The following TMEM71 variants were observed in gnomAD, a reference collection of about 807,000 sequenced individuals.
The protein encoded by TMEM71 is transmembrane protein 71.
Under a neutral mutation model 38.0 loss-of-function variants are expected in TMEM71, and 44 were observed. The ratio of observed to expected loss-of-function variants is 1.16; its 90% CI spans 0.91 to 1.49. TMEM71 has a LOEUF of 1.49. Ranked by LOEUF, TMEM71 falls within the 40% of genes most tolerant of loss-of-function variation. The probability of loss-of-function intolerance (pLI) is 0.00; values close to 1 mark genes in which losing one functional copy is unlikely to be tolerated. For synonymous variants in TMEM71, 133 were observed against 122.5 expected (o/e 1.09, Z -0.56); for missense variants, 367 against 348.6 (o/e 1.05, Z -0.42).
chr8:132,745,804 G>A (rs1295493023), intron 5 of TMEM71, among the ~76,000 whole-genome samples: 2 of 151,550 alleles, frequency 1.3e-5, no homozygotes, highest in African/African-American at 4.9e-5. Context: ...TGAAGAAAAT[G>A]GTACATATAC....
At chr8:132,712,679 T>C (rs1826297854) in intron 9 of TMEM71, among the ~76,000 whole-genome samples, 1 of 152,246 alleles carries the variant, frequency 6.6e-6, no homozygotes, top group East Asian at 1.9e-4. Flanking sequence ...GTCTAACCCA[T>C]GGTAGACACT....
chr8:132,766,087 T>C, the TMEM71 span, among the ~76,000 whole-genome samples: 3 of 152,132 alleles, frequency 2.0e-5, no homozygotes, highest in Admixed American at 1.3e-4. Context: ...CCCTGCCGAA[T>C]CTAACATATC....
intron 9 of TMEM71, among the ~76,000 whole-genome samples, chr8:132,713,636 A>G (rs979139706): frequency 6.6e-6 from 1 of 152,212 alleles, no homozygotes; most frequent in Non-Finnish European, 1.5e-5. Context: ...TGTAACTGAG[A>G]TCATTTCATG....
At chr8:132,753,666 C>T (rs1182960214) in intron 3 of TMEM71, among the ~76,000 whole-genome samples, 2 of 152,120 alleles carry the variant, frequency 1.3e-5, no homozygotes, top group Non-Finnish European at 1.5e-5. Flanking sequence ...TGAAGTCAAT[C>T]CCCCTCTAAG....
intron 6 of TMEM71, among the ~76,000 whole-genome samples, chr8:132,724,473 C>A (rs1340203421): frequency 6.6e-6 from 1 of 152,142 alleles, no homozygotes; most frequent in Non-Finnish European, 1.5e-5. Flanking sequence ...AGGCTCTCTG[C>A]AAGAAGAAAT....
At chr8:132,730,965 C>T (rs1827422177) in intron 5 of TMEM71, among the ~76,000 whole-genome samples, 1 of 152,022 alleles carries the variant, frequency 6.6e-6, no homozygotes, top group Non-Finnish European at 1.5e-5. Flanking sequence ...CACTTATGGA[C>T]AGGGGAAACA....
chr8:132,708,619 A>G (rs1826128883), downstream of TMEM71, among the ~76,000 whole-genome samples: 1 of 152,200 alleles, frequency 6.6e-6, no homozygotes, highest in Admixed American at 6.5e-5. Context: ...GGCCTTAGCC[A>G]TTGGGTCCTG....
At chr8:132,720,823 C>T (rs1405164424) in intron 7 of TMEM71, among the ~76,000 whole-genome samples, 2 of 152,156 alleles carry the variant, frequency 1.3e-5, no homozygotes, top group Non-Finnish European at 2.9e-5. Flanking sequence ...TTGTATTCAC[C>T]TTTGTTTCAT....
At chr8:132,706,015 T>G (rs1826090388), downstream of TMEM71, among the ~76,000 whole-genome samples, 1 of 152,100 alleles carries the variant, frequency 6.6e-6, no homozygotes, top group Admixed American at 6.6e-5. Context: ...TGAATGGGGT[T>G]TGTTCTCTTA....
Position 132,710,680 on chromosome 8 carries a change from C to T in TMEM71, c.*287G>A. Reference sequence around the variant, plus strand: ...ACTGCCTTAAAGAATCATAGGGGGACATTTATTCCAGGCGGTCTCTTTTCC... The same window carrying T: ...ACTGCCTTAAAGAATCATAGGGGGATATTTATTCCAGGCGGTCTCTTTTCC... On this transcript the variant is annotated 3_prime_UTR_variant, in exon 10 of 10. Transcript: ENST00000677595. The T allele has an allele frequency of 1.8e-6, 1 of 543,962 alleles. No individual in the cohort carries two copies. Among genetic ancestry groups the T allele is most frequent in the Non-Finnish European group, 3.2e-6 (1 of 313,408 alleles). 33.7% of individuals were successfully genotyped at this position (543,962 alleles called of 1,614,324 possible).
chr8:132,745,055 C>A (rs1828260523), intron 5 of TMEM71, among the ~76,000 whole-genome samples: 1 of 152,094 alleles, frequency 6.6e-6, no homozygotes, highest in Admixed American at 6.5e-5. Context: ...GTAAGACCTC[C>A]CTTAACCTAT....
intron 5 of TMEM71, among the ~76,000 whole-genome samples, chr8:132,744,230 C>A (rs1038159039): frequency 6.6e-6 from 1 of 152,120 alleles, no homozygotes; most frequent in Non-Finnish European, 1.5e-5. Context: ...TGTTTCCATT[C>A]TAGTAATAAA....
intron 6 of TMEM71, among the ~76,000 whole-genome samples, chr8:132,726,286 C>T (rs10112984): frequency 0.027 from 4,097 of 151,884 alleles, 191 homozygotes; most frequent in African/African-American, 0.094. Flanking sequence ...AACCCTTGAA[C>T]ACTTATCTAG....
At chr8:132,727,194 G>A (rs1315726069) in intron 6 of TMEM71, among the ~76,000 whole-genome samples, 2 of 151,598 alleles carry the variant, frequency 1.3e-5, no homozygotes, top group African/African-American at 4.9e-5. Context: ...AATTAAAATA[G>A]CAAACATCTG....
the TMEM71 span, among the ~76,000 whole-genome samples, chr8:132,772,762 C>T: frequency 6.6e-6 from 1 of 152,064 alleles, no homozygotes; most frequent in Non-Finnish European, 1.5e-5. Flanking sequence ...CAATACTTAA[C>T]ATTCATCCAT....
chr8:132,708,635 T>G (rs1232644400), downstream of TMEM71, among the ~76,000 whole-genome samples: 1 of 152,246 alleles, frequency 6.6e-6, no homozygotes, highest in Non-Finnish European at 1.5e-5. Flanking sequence ...TCCTGGAAGA[T>G]ATCTGCATTC....
intron 5 of TMEM71, among the ~76,000 whole-genome samples, chr8:132,742,486 A>T (rs1338326142): frequency 6.6e-6 from 1 of 152,200 alleles, no homozygotes; most frequent in African/African-American, 2.4e-5. Flanking sequence ...TAAACTTCTG[A>T]CATTCTCTCC....
At chr8:132,728,294 G>C (rs987113432) in intron 5 of TMEM71, among the ~76,000 whole-genome samples, 1 of 152,144 alleles carries the variant, frequency 6.6e-6, no homozygotes, top group Non-Finnish European at 1.5e-5. Context: ...TGGAAGGCAA[G>C]GAGGAGCAAA....
At chr8:132,729,414 G>T (rs1285950967) in intron 5 of TMEM71, among the ~76,000 whole-genome samples, 1 of 152,118 alleles carries the variant, frequency 6.6e-6, no homozygotes, top group East Asian at 1.9e-4. Flanking sequence ...ACATTCCAGG[G>T]TTTAACTTTA....
Sources: allele counts gnomAD v4.1 joint callset (sites outside exome capture counted in the v4.1 genomes callset), GRCh38; gene constraint gnomAD v4.1.1; transcripts MANE v1.5; gene names NCBI Gene and HGNC (gene_info 2026-07-23, HGNC 2026-07-21).